ACVR1: variants seen among roughly 807,000 people sequenced by gnomAD.
ACVR1 encodes the protein activin A receptor type 1.
A neutral mutation model predicts 57.1 loss-of-function variants in ACVR1; 38 were observed. The ratio of observed to expected loss-of-function variants is 0.67; its 90% CI spans 0.51 to 0.87. ACVR1 has a LOEUF of 0.87. Among genes scored for constraint, ACVR1 ranks in the 40% least tolerant of loss-of-function variants. The pLI is 0.00. For missense variants in ACVR1, 463 were observed against 638.2 expected (o/e 0.73, Z 2.96); for synonymous variants, 212 against 228.1 (o/e 0.93, Z 0.63).
At chr2:157,807,935 CCTCT>C (rs926856787) in intron 2 of ACVR1, among the ~76,000 whole-genome samples, 17 of 148,326 alleles carry the variant, frequency 1.1e-4, no homozygotes, top group African/African-American at 2.7e-4. Flanking sequence ...TCTCTCTCTC[CCTCT>C]CTCTCTCTGT....
Position 157,737,734 on chromosome 2 carries a change from TA to T in ACVR1, c.1396-70del. 7 of 1,591,102 alleles carry T rather than the reference TA, an allele frequency of 4.4e-6. No individual in the cohort carries two copies. The South Asian group carries it at 6.6e-5, about 15-fold the overall frequency. ...TTAATGGCCCTGGAAGCTGGGCTGA[TA>T]TCATGTCTACTATTCTGAAGAACTC... On this transcript the variant is annotated intron_variant, in intron 10 of 10. Transcript: ENST00000434821.
intron 4 of ACVR1, 146 bp downstream of exon 4, chr2:157,780,191 C>T: frequency 2.5e-6 from 3 of 1,188,596 alleles, no homozygotes; most frequent in Non-Finnish European, 3.6e-6. Context: ...CTCTTCTTCA[C>T]CCAGGGTGAC....
chr2:157,863,091 G>A (rs1355366991), intron 1 of ACVR1, among the ~76,000 whole-genome samples: 10 of 123,654 alleles, frequency 8.1e-5, no homozygotes, highest in Admixed American at 2.2e-4. Context: ...GTGCGATCTC[G>A]GCTCACTGCA....
intron 4 of ACVR1, among the ~76,000 whole-genome samples, chr2:157,778,956 T>C (rs1264777396): frequency 2.6e-5 from 4 of 152,204 alleles, no homozygotes; most frequent in African/African-American, 9.6e-5. Flanking sequence ...CATTTCCATA[T>C]TACTGGTCTC....
chr2:157,756,345 AG>A (rs1199707582), intron 9 of ACVR1, among the ~76,000 whole-genome samples: 2 of 152,132 alleles, frequency 1.3e-5, no homozygotes, highest in Non-Finnish European at 1.5e-5. Context: ...GCACAGCAAA[AG>A]GAACAGTCAG....
intron 9 of ACVR1, among the ~76,000 whole-genome samples, chr2:157,740,892 T>G (rs531402132): frequency 6.6e-6 from 1 of 152,336 alleles, no homozygotes; most frequent in South Asian, 2.1e-4. Flanking sequence ...TCAAGCCTCT[T>G]TTTCCTCAAT....
At chr2:157,815,982 T>C (rs1370804919) in intron 2 of ACVR1, among the ~76,000 whole-genome samples, 1 of 152,168 alleles carries the variant, frequency 6.6e-6, no homozygotes, top group African/African-American at 2.4e-5. Context: ...CTGGTGATTA[T>C]TACAGTATAG....
chr2:157,851,613 T>C (rs909866455), intron 1 of ACVR1, among the ~76,000 whole-genome samples: 2 of 152,256 alleles, frequency 1.3e-5, no homozygotes, highest in East Asian at 1.9e-4. Flanking sequence ...GATCAAAGGA[T>C]AAATAGAAGC....
intron 2 of ACVR1, among the ~76,000 whole-genome samples, chr2:157,800,454 C>A (rs930356116): frequency 3.3e-5 from 5 of 151,044 alleles, no homozygotes; most frequent in Non-Finnish European, 7.4e-5. Context: ...ACAGTGAGAC[C>A]CCATCTCTAT....
At chr2:157,826,248 A>G (rs1559080237) in intron 1 of ACVR1, among the ~76,000 whole-genome samples, 1 of 152,194 alleles carries the variant, frequency 6.6e-6, no homozygotes, top group African/African-American at 2.4e-5. Flanking sequence ...CAAAACTTCA[A>G]CGAGGAGCCT....
At chr2:157,768,620 G>A (rs918949949) in intron 7 of ACVR1, among the ~76,000 whole-genome samples, 1 of 151,972 alleles carries the variant, frequency 6.6e-6, no homozygotes, top group Non-Finnish European at 1.5e-5. Flanking sequence ...AAATAAGCAG[G>A]GTTTTCTTTT....
chr2:157,854,123 C>T (rs1328664204), intron 1 of ACVR1, among the ~76,000 whole-genome samples: 4 of 149,896 alleles, frequency 2.7e-5, no homozygotes, highest in Non-Finnish European at 4.4e-5. Flanking sequence ...ATAATCAACA[C>T]AGAGCCTAGC....
chr2:157,846,928 C>A (rs1553513550), intron 1 of ACVR1, among the ~76,000 whole-genome samples: 1 of 152,086 alleles, frequency 6.6e-6, no homozygotes, highest in Non-Finnish European at 1.5e-5. Flanking sequence ...CTGAGAATAG[C>A]AGTTATATTC....
At chr2:157,871,171 A>T (rs1690102541) in intron 1 of ACVR1, among the ~76,000 whole-genome samples, 1 of 152,196 alleles carries the variant, frequency 6.6e-6, no homozygotes, top group South Asian at 2.1e-4. Context: ...TCAATGGAGG[A>T]ATGAACAACT....
intron 1 of ACVR1, among the ~76,000 whole-genome samples, chr2:157,841,892 T>C (rs1423852238): frequency 6.6e-6 from 1 of 151,876 alleles, no homozygotes; most frequent in African/African-American, 2.4e-5. Context: ...CTGGGCGTTG[T>C]GGCAGGCGCC....
intron 1 of ACVR1, among the ~76,000 whole-genome samples, chr2:157,847,800 T>C (rs966889675): frequency 2.6e-5 from 4 of 152,096 alleles, no homozygotes; most frequent in Admixed American, 6.5e-5. Flanking sequence ...AAAGACTGCA[T>C]GGAGAAAGAG....
chr2:157,837,686 C>T (rs1468204090), intron 1 of ACVR1, among the ~76,000 whole-genome samples: 1 of 152,086 alleles, frequency 6.6e-6, no homozygotes, highest in Non-Finnish European at 1.5e-5. Flanking sequence ...TTGGAAACTA[C>T]CAGCCAACTT....
chr2:157,853,085 A>T (rs903932281), intron 1 of ACVR1, among the ~76,000 whole-genome samples: 74 of 152,272 alleles, frequency 4.9e-4, no homozygotes, highest in African/African-American at 1.7e-3. Context: ...AATATTTTTA[A>T]ATCAAAATAG....
intron 3 of ACVR1, among the ~76,000 whole-genome samples, chr2:157,796,114 T>TGG (rs1687107562): frequency 6.9e-6 from 1 of 145,294 alleles, no homozygotes; most frequent in East Asian, 2.1e-4. Context: ...CCCAGCTACT[T>TGG]GGGAGGCTGA....
Sources: allele counts gnomAD v4.1 joint callset (sites outside exome capture counted in the v4.1 genomes callset), GRCh38; gene constraint gnomAD v4.1.1; transcripts MANE v1.5; gene names NCBI Gene and HGNC (gene_info 2026-07-23, HGNC 2026-07-21).